Variants in HTRA3 observed in about 807,000 individuals in gnomAD.
HTRA3 encodes serine protease HTRA3.
In HTRA3, 41 loss-of-function variants were observed where a neutral mutation model predicts 43.2. The observed-to-expected ratio is 0.95, with a 90% CI of 0.74 to 1.23. The LOEUF is 1.23. Among genes scored for constraint, HTRA3 ranks in the 50% most tolerant of loss-of-function variants. The pLI is 0.00. For synonymous variants in HTRA3, 295 were observed against 287.9 expected, an observed-to-expected ratio of 1.02 and a Z score of -0.25; for missense variants, 628 against 647.1, an observed-to-expected ratio of 0.97 and a Z score of 0.32.
intron 3 of HTRA3, among the ~76,000 whole-genome samples, chr4:8,287,713 T>A (rs368312261): frequency 9.2e-5 from 14 of 152,126 alleles, no homozygotes; most frequent in African/African-American, 2.9e-4. Flanking sequence ...TGACATGAGA[T>A]TTGGGTGGCG....
chr4:8,296,506 C>T lies in HTRA3; in HGVS notation c.1051+2305C>T, dbSNP rs888602552. Reference sequence around the variant, plus strand: ...TAATCTAAAGTTCTTTGAAATGAACCATCTTTTTATTAAATCAAGGAGATG... The same window carrying T: ...TAATCTAAAGTTCTTTGAAATGAACTATCTTTTTATTAAATCAAGGAGATG... On this transcript the variant is annotated intron_variant, in intron 6 of 8. Transcript: ENST00000307358. This position sits in a 1 kb window ranked among gnomAD's most constrained non-coding sequence, Gnocchi z 5.3. 4 of 984,876 alleles carry T rather than the reference C, an allele frequency of 4.1e-6. No homozygotes were observed. The highest frequency in any genetic ancestry group is 4.8e-6 in the Non-Finnish European group (4 of 829,636). 61.0% of individuals were successfully genotyped at this position (984,876 alleles called of 1,614,324 possible). A position where few individuals can be genotyped will look rare whatever the true frequency, so the allele number is the denominator to read the frequency against.
chr4:8,271,387 C>T (rs925165168), intron 1 of HTRA3, among the ~76,000 whole-genome samples: 1 of 152,176 alleles, frequency 6.6e-6, no homozygotes, highest in Non-Finnish European at 1.5e-5. Context: ...CCCAGGGCTT[C>T]CCCAGAGAAT....
At chr4:8,273,057 G>A (rs1389503558) in intron 1 of HTRA3, among the ~76,000 whole-genome samples, 1 of 152,220 alleles carries the variant, frequency 6.6e-6, no homozygotes, top group African/African-American at 2.4e-5. Context: ...CCTTTCCCAG[G>A]CACCACAGAT....
chr4:8,294,595 T>C (rs373055463), intron 6 of HTRA3, among the ~76,000 whole-genome samples: 1 of 24 alleles, frequency 0.042, no homozygotes, highest in Non-Finnish European at 0.071. Context: ...CATCCATCCA[T>C]CCATCCATCC....
intron 3 of HTRA3, among the ~76,000 whole-genome samples, chr4:8,287,393 G>T (rs1713034167): frequency 6.6e-6 from 1 of 152,200 alleles, no homozygotes; most frequent in Admixed American, 6.5e-5. Flanking sequence ...CTGCTATAAA[G>T]AACTACCTGA....
At chr4:8,288,136 C>T (rs1205802740) in intron 3 of HTRA3, among the ~76,000 whole-genome samples, 3 of 152,194 alleles carry the variant, frequency 2.0e-5, no homozygotes, top group African/African-American at 7.2e-5. Context: ...TTTAATGGTT[C>T]CAAGGAGTTC....
In HTRA3 at chr4:8,297,337, G is replaced by A. The variant is rs1341880890; in HGVS notation, c.1051+3136G>A. On this transcript the variant is annotated intron_variant, in intron 6 of 8. Transcript: ENST00000307358. The surrounding 1 kb of genome is among the most constrained non-coding windows in gnomAD (Gnocchi z 5.8). The stretch of plus-strand genomic sequence containing the variant: ...CGTGCTTTCCCCAGCTCTGGCCCAG[G>A]GGCATTACCAGGCCTCTGCTTTCCC... Among the ~76,000 whole-genome samples the A allele has an allele frequency of 1.3e-5, 2 of 151,986 alleles. No individual in the cohort carries two copies.
At position 8,279,713 on chromosome 4, in the gene HTRA3, C is replaced by T. The variant is rs146097819; in HGVS notation, c.386-2724C>T. On this transcript the variant is annotated intron_variant, in intron 1 of 8. Transcript: ENST00000307358. This position sits in a 1 kb window ranked among gnomAD's most constrained non-coding sequence, Gnocchi z 7.4. ...ACACTGGGCCCAGGTCCCTGTGTGC[C>T]GTGGCTGCCTGCACAGGCAATGCGG... 1.4e-3 allele frequency among the ~76,000 whole-genome samples: 213 copies of T among 152,272 alleles called. No individual in the cohort carries two copies. The highest frequency in any genetic ancestry group is 4.5e-3 in the African/African-American group (186 of 41,556).
chr4:8,272,453 G>A (rs190677266), intron 1 of HTRA3, among the ~76,000 whole-genome samples: 38 of 152,314 alleles, frequency 2.5e-4, no homozygotes, highest in Middle Eastern at 6.8e-3. Flanking sequence ...CAGTCCCAGC[G>A]CACCTCTTCC....
At chr4:8,304,838 T>C (rs1713781534) in intron 8 of HTRA3, among the ~76,000 whole-genome samples, 1 of 151,966 alleles carries the variant, frequency 6.6e-6, no homozygotes, top group African/African-American at 2.4e-5. Context: ...TTTGTATTTT[T>C]AGTAGAGAAG....
chr4:8,286,842 C>T lies in HTRA3; in HGVS notation c.708+59C>T. 7.4e-7 allele frequency: 1 copy of T among 1,349,608 alleles called. No homozygotes were observed. Among genetic ancestry groups the T allele is most frequent in the Non-Finnish European group, 1.0e-6 (1 of 967,764 alleles). The allele number at this position is 1,349,608 out of a possible 1,614,324, so 83.6% of individuals were successfully genotyped here. A position where few individuals can be genotyped will look rare whatever the true frequency, so the allele number is the denominator to read the frequency against. ...TGGGGCTGGGCATGGTGGCCTCTTC[C>T]CAGACGCCGGAACCCAGAGGCAAGC... is the stretch of plus-strand genomic sequence containing the variant. On this transcript the variant is annotated intron_variant, in intron 3 of 8. Transcript: ENST00000307358. The surrounding 1 kb of genome is among the most constrained non-coding windows in gnomAD (Gnocchi z 4.9).
intron 7 of HTRA3, among the ~76,000 whole-genome samples, 182 bp from the exon 8 acceptor site, chr4:8,304,002 C>T (rs1374414788): frequency 6.6e-6 from 1 of 152,202 alleles, no homozygotes; most frequent in Admixed American, 6.5e-5. Context: ...ATTGCTACCA[C>T]GTTTCTCTTA....
intron 8 of HTRA3, among the ~76,000 whole-genome samples, chr4:8,305,307 T>TA (rs1208773121): frequency 6.6e-6 from 1 of 152,264 alleles, no homozygotes; most frequent in Non-Finnish European, 1.5e-5. Context: ...AGGCCTGCAG[T>TA]AAAAATTGTT....
At chr4:8,275,326 G>A (rs1351571512) in intron 1 of HTRA3, among the ~76,000 whole-genome samples, 1 of 152,126 alleles carries the variant, frequency 6.6e-6, no homozygotes, top group Non-Finnish European at 1.5e-5. Context: ...GGCGAGACCC[G>A]GACCCTCCCT....
At chr4:8,282,347 G>A (rs1712781386) in intron 1 of HTRA3, 90 bp from the exon 2 acceptor site, 5 of 1,017,590 alleles carry the variant, frequency 4.9e-6, no homozygotes, top group South Asian at 4.2e-5. Context: ...CTCAGGAAGA[G>A]CCTCCTCCTT....
chr4:8,291,618 A>T, intron 4 of HTRA3, 54 bp downstream of exon 4: 1 of 1,347,634 alleles, frequency 7.4e-7, no homozygotes, highest in South Asian at 1.4e-5. Context: ...CCAAGACCTC[A>T]ACCTCGAGGT....
intron 1 of HTRA3, among the ~76,000 whole-genome samples, chr4:8,280,975 G>A (rs1712720693): frequency 1.3e-5 from 2 of 152,220 alleles, no homozygotes; most frequent in Admixed American, 6.5e-5. Context: ...AGGGAAAGGA[G>A]GCCTGCGGCC....
chr4:8,292,285 G>A (rs770305800), intron 4 of HTRA3, 36 bp from the exon 5 acceptor site: 2 of 1,605,594 alleles, frequency 1.2e-6, no homozygotes, highest in African/African-American at 1.3e-5. Flanking sequence ...CTCAGGCGGG[G>A]TCAGGCACAG....
chr4:8,273,533 C>T (rs1411264197), intron 1 of HTRA3, among the ~76,000 whole-genome samples: 1 of 150,662 alleles, frequency 6.6e-6, no homozygotes, highest in Non-Finnish European at 1.5e-5. Context: ...CCCCCCCGCA[C>T]CCCCGCCCCA....
Sources: allele counts gnomAD v4.1 joint callset (sites outside exome capture counted in the v4.1 genomes callset), GRCh38; gene constraint gnomAD v4.1.1; non-coding constraint Gnocchi (gnomAD v3.1); transcripts MANE v1.5; gene names NCBI Gene and HGNC (gene_info 2026-07-23, HGNC 2026-07-21).